ACSM2B: variants seen among roughly 807,000 people sequenced by gnomAD.
ACSM2B encodes the protein acyl-coenzyme A synthetase ACSM2B, mitochondrial.
A neutral mutation model predicts 78.6 loss-of-function variants in ACSM2B; 58 were observed. That is an observed-to-expected ratio of 0.74 (90% CI 0.60 to 0.92). The LOEUF (loss-of-function observed/expected upper bound fraction) is 0.92, where lower values mean the gene tolerates loss of function less well. Ranked by LOEUF, ACSM2B falls within the 40% of genes least tolerant of loss-of-function variation. The pLI, the probability that ACSM2B is intolerant of heterozygous loss-of-function variation, is 0.00. For synonymous variants in ACSM2B, 257 were observed against 256.8 expected (o/e 1.00, Z -0.01); for missense variants, 688 against 711.2 (o/e 0.97, Z 0.37).
chr16:20,565,913 T>C (rs1233764222), intron 1 of ACSM2B, among the ~76,000 whole-genome samples: 1 of 151,808 alleles, frequency 6.6e-6, no homozygotes, highest in East Asian at 1.9e-4. Context: ...TGAGAACATA[T>C]GATGTTTGGT....
At chr16:20,575,861 C>A (rs997440162) in intron 1 of ACSM2B, 1 of 151,420 alleles carries the variant, frequency 6.6e-6, no homozygotes, top group Non-Finnish European at 1.5e-5. Flanking sequence ...TACACATTGC[C>A]TTTGTACCTG....
chr16:20,537,943 A>G (rs1403352867), intron 13 of ACSM2B, among the ~76,000 whole-genome samples: 1 of 152,112 alleles, frequency 6.6e-6, no homozygotes, highest in South Asian at 2.1e-4. Context: ...ACCCTAAGCA[A>G]AATTATAATA....
At chr16:20,538,331 G>A (rs1403623332) in intron 13 of ACSM2B, among the ~76,000 whole-genome samples, 1 of 152,138 alleles carries the variant, frequency 6.6e-6, no homozygotes, top group African/African-American at 2.4e-5. Flanking sequence ...TCCTGTTTCT[G>A]TCAATAAAGT....
At chr16:20,538,774 G>A (rs2014910582) in intron 13 of ACSM2B, among the ~76,000 whole-genome samples, 1 of 152,138 alleles carries the variant, frequency 6.6e-6, no homozygotes, top group Admixed American at 6.6e-5. Context: ...GGAAACTGAG[G>A]AACGCAGAGG....
intron 2 of ACSM2B, among the ~76,000 whole-genome samples, chr16:20,563,632 C>A (rs773927921): frequency 5.1e-4 from 77 of 151,748 alleles, no homozygotes; most frequent in Non-Finnish European, 9.9e-4. Context: ...TGAAAATTTT[C>A]AATTTTAAAA....
At position 20,547,535 on chromosome 16, in the gene ACSM2B, A is replaced by G. The variant is rs544100121; in HGVS notation, c.1098+527T>C. 1.6e-3 allele frequency: 1,609 copies of G among 977,314 alleles called. 14 individuals are homozygous for G. In the African/African-American group the frequency reaches 0.026, roughly 16 times the overall value. 60.5% of individuals were successfully genotyped at this position (977,314 alleles called of 1,614,324 possible). A position where few individuals can be genotyped will look rare whatever the true frequency, so the allele number is the denominator to read the frequency against. On this transcript the variant is annotated intron_variant, in intron 8 of 13. Transcript: ENST00000329697. ...ATGTAGTTTTGATAAGTAAAATAGT[A>G]TAGAATAGCATAAATCCACATTGTG...
chr16:20,553,709 A>C, intron 5 of ACSM2B, 68 bp downstream of exon 5: 1 of 1,573,790 alleles, frequency 6.4e-7, no homozygotes, highest in Non-Finnish European at 8.6e-7. Flanking sequence ...GGAGCATTGG[A>C]TTTGAACTCA....
chr16:20,558,994 T>C (rs1303255113), intron 3 of ACSM2B, among the ~76,000 whole-genome samples: 1 of 152,220 alleles, frequency 6.6e-6, no homozygotes, highest in Non-Finnish European at 1.5e-5. Flanking sequence ...TTTAAGAGCT[T>C]TCTCCAAAGT....
chr16:20,565,487 G>A (rs1038532177), intron 1 of ACSM2B, among the ~76,000 whole-genome samples: 4 of 152,156 alleles, frequency 2.6e-5, no homozygotes, highest in African/African-American at 9.7e-5. Context: ...CCCATAGGGG[G>A]AAAATATGCA....
intron 1 of ACSM2B, among the ~76,000 whole-genome samples, chr16:20,572,709 A>T (rs1245454579): frequency 6.6e-6 from 1 of 151,608 alleles, no homozygotes; most frequent in East Asian, 2.0e-4. Flanking sequence ...CAAGGATGCC[A>T]ATTATTCTTA....
Position 20,542,961 on chromosome 16 carries a change from C to T in ACSM2B, c.1462G>A (p.Val488Met), listed in dbSNP as rs776051048. ...CTGCTGATCACAGCCGTCTCAACCA[C>T]AGCAGGGTGCTTCATCAGTGCATTC... is the stretch of plus-strand genomic sequence containing the variant. ...VENALMKHPAVVETAVISSPD... is the reference protein window; with the variant it reads ...VENALMKHPAMVETAVISSPD... Residue 488 changes from valine to methionine, a missense_variant, in exon 12 of 14, where the codon GTG becomes ATG. Transcript: ENST00000329697. The T allele has an allele frequency of 1.2e-6, 2 of 1,613,750 alleles. No individual in the cohort carries two copies. Among genetic ancestry groups the T allele is most frequent in the South Asian group, 2.2e-5 (2 of 91,070 alleles).
At position 20,542,895 on chromosome 16, in the gene ACSM2B, G is replaced by T. The variant is rs761408889; in HGVS notation, c.1509+19C>A. The stretch of plus-strand genomic sequence containing the variant: ...TGTGTTCATATCTGTTCACCCCCAG[G>T]CTACTGCTTCCCCATCACCTCTCCT... On this transcript the variant is annotated intron_variant, in intron 12 of 13. Coordinates refer to ENST00000329697, the MANE Select transcript of ACSM2B (RefSeq NM_001105069.2). 20 of 1,613,132 alleles carry T rather than the reference G, an allele frequency of 1.2e-5. No homozygotes were observed. The highest frequency in any genetic ancestry group is 1.7e-5 in the Non-Finnish European group (20 of 1,179,660).
chr16:20,555,206 C>A (rs770038974), intron 4 of ACSM2B, 63 bp downstream of exon 4: 54 of 1,609,664 alleles, frequency 3.4e-5, no homozygotes, highest in Non-Finnish European at 4.4e-5. Flanking sequence ...GCACCTGCAC[C>A]TAAGTGCTTG....
Position 20,565,782 on chromosome 16 carries a change from T to C in ACSM2B, c.-8-929A>G, listed in dbSNP as rs113924734. Among the ~76,000 whole-genome samples the C allele has an allele frequency of 4.9e-3, 748 of 152,174 alleles. 11 individuals are homozygous for C. The highest frequency in any genetic ancestry group is 0.033 in the South Asian group (158 of 4,826). ...CAGTATACACTTAACAGTACACACT[T>C]AACCCACTTTGTACCCTTTTATTCC... On this transcript the variant is annotated intron_variant, in intron 1 of 13. Coordinates refer to ENST00000329697, the MANE Select transcript of ACSM2B (RefSeq NM_001105069.2).
intron 3 of ACSM2B, among the ~76,000 whole-genome samples, chr16:20,557,993 AAACT>A (rs2015528607): frequency 6.6e-6 from 1 of 152,216 alleles, no homozygotes; most frequent in Admixed American, 6.5e-5. Flanking sequence ...CTCCCTCCTG[AAACT>A]AACTGTGTCC....
rs1160224299 is a variant in ACSM2B, at chr16:20,564,795, C to G, written c.51G>C (p.Gln17His). The G allele has an allele frequency of 1.9e-6, 3 of 1,612,988 alleles. No homozygotes were observed. Among genetic ancestry groups the G allele is most frequent in the Non-Finnish European group, 2.5e-6 (3 of 1,179,422 alleles). ...TAATGTAGAGAGTGCGGCTGGACAT[C>G]TGAGTACCCCACAGGGTGCAAAGTC... ...VQGLCTLWGT[Q>H]MSSRTLYINS... Residue 17 changes from glutamine (Q) to histidine (H), a missense_variant, in exon 2 of 14, where the codon CAG becomes CAC. Coordinates refer to ENST00000329697, the MANE Select transcript of ACSM2B (RefSeq NM_001105069.2).
intron 3 of ACSM2B, among the ~76,000 whole-genome samples, chr16:20,556,779 C>T (rs2015487104): frequency 6.6e-6 from 1 of 152,180 alleles, no homozygotes; most frequent in South Asian, 2.1e-4. Context: ...GTTTCTCTAC[C>T]ATGGTGGTCA....
chr16:20,543,539 G>A (rs1355205384), intron 10 of ACSM2B, among the ~76,000 whole-genome samples: 1 of 152,172 alleles, frequency 6.6e-6, no homozygotes, highest in East Asian at 1.9e-4. Context: ...CATGCTTAGG[G>A]CATTTTCCCC....
rs1368145413 is a variant in ACSM2B at position 20,553,806 on chromosome 16, G to A, written c.711C>T (p.Ser237=). The A allele has an allele frequency of 1.2e-6, 2 of 1,611,724 alleles. No homozygotes were observed. Among genetic ancestry groups the A allele is most frequent in the Admixed American group, 1.7e-5 (1 of 59,924 alleles). ...CATCCATCTTGGCCTTGAGGCCCAG[G>A]CTCGAGTAGGAATGTTCTGCCATCT... ...LPKMAEHSYS[S]LGLKAKMDAG... is the part of the protein sequence containing the mutation. Residue 237 remains serine, a synonymous_variant, in exon 5 of 14, where the codon AGC becomes AGT. Transcript: ENST00000329697.
Sources: allele counts gnomAD v4.1 joint callset (sites outside exome capture counted in the v4.1 genomes callset), GRCh38; gene constraint gnomAD v4.1.1; transcripts MANE v1.5; gene names NCBI Gene and HGNC (gene_info 2026-07-23, HGNC 2026-07-21).